Variants in RNASET2 observed in about 807,000 individuals in gnomAD.
RNASET2 encodes ribonuclease T2, also known as ribonuclease 6.
A neutral mutation model predicts 33.9 loss-of-function variants in RNASET2; 28 were observed. That is an observed-to-expected ratio of 0.83 (90% CI 0.61 to 1.13). The LOEUF is 1.13. Among genes scored for constraint, RNASET2 ranks in the 50% most tolerant of loss-of-function variants. The pLI, the probability that RNASET2 is intolerant of heterozygous loss-of-function variation, is 0.00. For synonymous variants in RNASET2, 123 were observed against 121.0 expected, an observed-to-expected ratio of 1.02 and a Z score of -0.11; for missense variants, 330 against 319.9, an observed-to-expected ratio of 1.03 and a Z score of -0.24.
intron 2 of RNASET2, 94 bp downstream of exon 2, chr6:166,952,394 C>G: frequency 9.1e-7 from 1 of 1,101,872 alleles, no homozygotes; most frequent in Admixed American, 1.7e-5. Flanking sequence ...CCTCCCGCAC[C>G]AGCAGCGTGG....
Position 166,927,583 on chromosome 6 carries a change from T to G in RNASET2, c.*2005A>C, listed in dbSNP as rs1251210012. Among the ~76,000 whole-genome samples the G allele has an allele frequency of 6.6e-6, 1 of 152,092 alleles. No homozygotes were observed. The highest frequency in any genetic ancestry group is 6.5e-5 in the Admixed American group (1 of 15,272). The stretch of plus-strand genomic sequence containing the variant: ...CGACTGCAGACAGCCTCTGAAGAGC[T>G]GCTTTCCTTGACCCCCCAAGGCTAT... On this transcript the variant is annotated 3_prime_UTR_variant, in exon 9 of 9. Coordinates refer to ENST00000508775, the MANE Select transcript of RNASET2 (RefSeq NM_003730.6).
At chr6:166,929,957 G>A (rs1031781179) in intron 8 of RNASET2, among the ~76,000 whole-genome samples, 166 bp from the exon 9 acceptor site, 22 of 152,224 alleles carry the variant, frequency 1.4e-4, no homozygotes, top group Non-Finnish European at 3.1e-4. Flanking sequence ...GAAGGCTGCT[G>A]TGCACTAAAT....
chr6:166,931,550 A>T (rs142720859), intron 7 of RNASET2: 140 of 218,052 alleles, frequency 6.4e-4, no homozygotes, highest in African/African-American at 2.8e-3. Context: ...CCCACGGTGG[A>T]CACATTCTCC....
intron 6 of RNASET2, chr6:166,934,700 T>TGAGGCTACA: frequency 6.3e-6 from 1 of 158,638 alleles, no homozygotes; most frequent in South Asian, 1.9e-4. Flanking sequence ...AGTCACACAC[T>TGAGGCTACA]GTACAGGTTT....
At position 166,934,047 on chromosome 6, in the gene RNASET2, C is replaced by T; in HGVS notation, c.492+44G>A. Reference sequence around the variant, plus strand: ...AGGCTGAAACGGCCCTACTGGAGGTCCCCGGGAGAGACACACGAGAAAAGA... The same window carrying T: ...AGGCTGAAACGGCCCTACTGGAGGTTCCCGGGAGAGACACACGAGAAAAGA... On this transcript the variant is annotated intron_variant, in intron 7 of 8. Coordinates refer to ENST00000508775, the MANE Select transcript of RNASET2 (RefSeq NM_003730.6). 2.0e-6 allele frequency: 3 copies of T among 1,508,508 alleles called. No homozygotes were observed. In the South Asian group the frequency reaches 3.4e-5, roughly 17 times the overall value. 93.4% of individuals were successfully genotyped at this position (1,508,508 alleles called of 1,614,324 possible). A position where few individuals can be genotyped will look rare whatever the true frequency, so the allele number is the denominator to read the frequency against.
intron 4 of RNASET2, chr6:166,943,957 TA>T (rs748492727): frequency 1.2e-5 from 3 of 248,082 alleles, no homozygotes; most frequent in Non-Finnish European, 2.5e-5. Flanking sequence ...CTGTCTCTAC[TA>T]AAAATACAAA....
In RNASET2 at chr6:166,938,934, C is replaced by A. The variant is rs2128645234; in HGVS notation, c.407G>T (p.Gly136Val). 1.9e-6 allele frequency: 3 copies of A among 1,613,920 alleles called. No homozygotes were observed. The East Asian group carries it at 6.7e-5, about 36-fold the overall frequency. Reference sequence around the variant, plus strand: ...CTCCCTGTAGAGTTCCAGGCTTCTGCCAAAGTACTTCTTCTGGGAGTTGAG... The same window carrying A: ...CTCCCTGTAGAGTTCCAGGCTTCTGACAAAGTACTTCTTCTGGGAGTTGAG... ...DALNSQKKYF[G>V]RSLELYRELD... The change falls in exon 6 of 9, where the codon GGC (glycine) becomes GTC (valine). Residue 136 changes from glycine to valine, a missense_variant. Gly to Val is a moderately radical substitution (Grantham distance 109). Transcript: ENST00000508775.
intron 5 of RNASET2, among the ~76,000 whole-genome samples, chr6:166,942,672 G>A (rs1778719441): frequency 6.6e-6 from 1 of 151,506 alleles, no homozygotes; most frequent in Admixed American, 6.6e-5. Context: ...AAACTCCTCA[G>A]CTCAAGCAAT....
chr6:166,948,349 A>AG, intron 3 of RNASET2: 1 of 446,960 alleles, frequency 2.2e-6, no homozygotes, highest in Non-Finnish European at 4.1e-6. Context: ...CTGTCTCAGA[A>AG]AAAAAAAAAA....
At chr6:166,943,204 C>T in intron 4 of RNASET2, 115 bp from the exon 5 acceptor site, 2 of 731,726 alleles carry the variant, frequency 2.7e-6, no homozygotes, top group South Asian at 3.0e-5. Context: ...ATTAACAATA[C>T]TTTGGTGAAT....
chr6:166,931,508 A>C, intron 7 of RNASET2: 1 of 272,500 alleles, frequency 3.7e-6, no homozygotes, highest in East Asian at 8.9e-5. Flanking sequence ...AGCCCTGTCC[A>C]CTCTGAAGTA....
At chr6:166,955,485 G>A in intron 1 of RNASET2, 1 of 986,740 alleles carries the variant, frequency 1.0e-6, no homozygotes, top group South Asian at 4.6e-5. Flanking sequence ...AGGAAGAACC[G>A]TCGTTTCACC....
intron 5 of RNASET2, among the ~76,000 whole-genome samples, chr6:166,939,234 TGAG>T (rs920207034): frequency 2.5e-4 from 38 of 152,208 alleles, no homozygotes; most frequent in African/African-American, 8.7e-4. Flanking sequence ...CTCAGGAGGC[TGAG>T]GAGGAGAATC....
At chr6:166,938,592 GA>G (rs1327431445) in intron 6 of RNASET2, 5 of 647,164 alleles carry the variant, frequency 7.7e-6, no homozygotes, top group Non-Finnish European at 1.5e-5. Context: ...TCATGGCTGA[GA>G]ACGGCACATG....
At chr6:166,946,161 G>C (rs955939380) in intron 4 of RNASET2, among the ~76,000 whole-genome samples, 27 of 152,322 alleles carry the variant, frequency 1.8e-4, no homozygotes. Flanking sequence ...TTCCCGCCCT[G>C]TGAGTTTTCT....
At position 166,938,934 on chromosome 6, in the gene RNASET2, C is replaced by T; in HGVS notation, c.407G>A (p.Gly136Asp). Residue 136 changes from glycine to aspartate, a missense_variant, in exon 6 of 9, where the codon GGC (glycine) becomes GAC (aspartate). Gly to Asp is a moderately conservative substitution (Grantham distance 94). Transcript: ENST00000508775. ...DALNSQKKYF[G>D]RSLELYRELD... The stretch of plus-strand genomic sequence containing the variant: ...CTCCCTGTAGAGTTCCAGGCTTCTG[C>T]CAAAGTACTTCTTCTGGGAGTTGAG... The T allele has an allele frequency of 6.2e-7, 1 of 1,613,920 alleles. No homozygotes were observed. Among genetic ancestry groups the T allele is most frequent in the Non-Finnish European group, 8.5e-7 (1 of 1,179,980 alleles).
rs777517463 is a variant in RNASET2, at chr6:166,948,652, G to A, written c.148-27C>T. ...TAGGGAGAAAATATAACAAGAAAAT[G>A]ATTGGCTCTTTGTTTATTCAAATAC... On this transcript the variant is annotated intron_variant, in intron 2 of 8. Coordinates refer to ENST00000508775, the MANE Select transcript of RNASET2 (RefSeq NM_003730.6). 3.4e-6 allele frequency: 4 copies of A among 1,188,558 alleles called. No homozygotes were observed. The African/African-American group carries it at 6.2e-5, about 18-fold the overall frequency. The allele number at this position is 1,188,558 out of a possible 1,614,324, so 73.6% of individuals were successfully genotyped here.
chr6:166,931,365 C>T (rs1389191952), intron 7 of RNASET2: 1 of 551,678 alleles, frequency 1.8e-6, no homozygotes, highest in Non-Finnish European at 3.3e-6. Flanking sequence ...GCTCCTGTTT[C>T]TCTGGAGAGC....
In RNASET2 at chr6:166,931,102, T is replaced by C. The variant is rs1273796776; in HGVS notation, c.509A>G (p.Asp170Gly). The change falls in exon 8 of 9, where the codon GAT becomes GGT. Residue 170 changes from aspartate (D) to glycine (G), a missense_variant. Physicochemically the swap from Asp to Gly is moderately conservative, Grantham distance 94. Coordinates refer to ENST00000508775, the MANE Select transcript of RNASET2 (RefSeq NM_003730.6). ...INYYQVADFK[D>G]ALARVYGVIP... Reference sequence around the variant, plus strand: ...CACTCCATATACTCTGGCAAGGGCATCTTTAAAATCTGCAACCTGATTTTA... The same window carrying C: ...CACTCCATATACTCTGGCAAGGGCACCTTTAAAATCTGCAACCTGATTTTA... 4 of 1,608,614 alleles carry C rather than the reference T, an allele frequency of 2.5e-6. No individual in the cohort carries two copies. The highest frequency in any genetic ancestry group is 1.7e-5 in the Admixed American group (1 of 60,026).
Sources: allele counts gnomAD v4.1 joint callset (sites outside exome capture counted in the v4.1 genomes callset), GRCh38; gene constraint gnomAD v4.1.1; transcripts MANE v1.5; gene names NCBI Gene and HGNC (gene_info 2026-07-23, HGNC 2026-07-21).